TDRD3: variants seen among roughly 807,000 people sequenced by gnomAD.
The protein encoded by TDRD3 is tudor domain containing 3, also known as tudor domain-containing protein 3.
A neutral mutation model predicts 86.7 loss-of-function variants in TDRD3; 45 were observed. The ratio of observed to expected loss-of-function variants is 0.52; its 90% CI spans 0.41 to 0.67. TDRD3 has a LOEUF of 0.67. Among genes scored for constraint, TDRD3 ranks in the 30% least tolerant of loss-of-function variants. The probability of loss-of-function intolerance (pLI) is 0.00; values close to 1 mark genes in which losing one functional copy is unlikely to be tolerated. For missense variants in TDRD3, 814 were observed against 889.0 expected, an observed-to-expected ratio of 0.92 and a Z score of 1.07; for synonymous variants, 298 against 301.7, an observed-to-expected ratio of 0.99 and a Z score of 0.13.
chr13:60,416,009 T>C (rs1954501252), intron 1 of TDRD3, among the ~76,000 whole-genome samples: 1 of 152,210 alleles, frequency 6.6e-6, no homozygotes, highest in Non-Finnish European at 1.5e-5. Context: ...CAGTTAATAA[T>C]GTTTATTAGT....
intron 2 of TDRD3, among the ~76,000 whole-genome samples, chr13:60,443,655 A>G (rs2137976955): frequency 6.6e-6 from 1 of 152,100 alleles, no homozygotes. Flanking sequence ...TTCATTTCAC[A>G]TCACAGTAAT....
intron 12 of TDRD3, among the ~76,000 whole-genome samples, chr13:60,548,769 A>G (rs1957985497): frequency 6.7e-6 from 1 of 148,706 alleles, no homozygotes; most frequent in South Asian, 2.1e-4. Flanking sequence ...ATGCAGTGAT[A>G]TGGGTACTCT....
In TDRD3 at chr13:60,528,754, G is replaced by C. The variant is rs1286186571; in HGVS notation, c.1529G>C (p.Gly510Ala). ...TCTATGCAAAGCAGATCAGGAAAAG[G>C]TCCCTCCTTTGCAGAGGCAAAAGAA... ...DNSMQSRSGK[G>A]PSFAEAKENP... The change falls in exon 11 of 14, where the codon GGT becomes GCT. Residue 510 changes from glycine (G) to alanine (A), a missense_variant. Coordinates refer to ENST00000377881, the MANE Select transcript of TDRD3 (RefSeq NM_001146070.2). 6 of 1,613,154 alleles carry C rather than the reference G, an allele frequency of 3.7e-6. No homozygotes were observed. Among genetic ancestry groups the C allele is most frequent in the Non-Finnish European group, 5.1e-6 (6 of 1,179,804 alleles).
intron 3 of TDRD3, among the ~76,000 whole-genome samples, chr13:60,445,716 C>G (rs936026947): frequency 1.3e-5 from 2 of 152,154 alleles, no homozygotes; most frequent in Non-Finnish European, 2.9e-5. Flanking sequence ...GAAAAGTAGG[C>G]AACAATCTTG....
intron 12 of TDRD3, among the ~76,000 whole-genome samples, chr13:60,553,910 T>A (rs116345323): frequency 0.013 from 2,049 of 152,272 alleles, 49 homozygotes; most frequent in African/African-American, 0.047. Flanking sequence ...AAAATGTAGA[T>A]TTAGTATAAA....
At chr13:60,453,124 C>T (rs1955586245) in intron 3 of TDRD3, among the ~76,000 whole-genome samples, 2 of 151,856 alleles carry the variant, frequency 1.3e-5, no homozygotes, top group East Asian at 1.9e-4. Flanking sequence ...AAAAGTTTAA[C>T]GATGAAGTTA....
intron 1 of TDRD3, among the ~76,000 whole-genome samples, chr13:60,408,498 G>A (rs1421838301): frequency 6.6e-6 from 1 of 152,194 alleles, no homozygotes; most frequent in African/African-American, 2.4e-5. Flanking sequence ...AATGCTGATA[G>A]TGATATGGAC....
intron 12 of TDRD3, among the ~76,000 whole-genome samples, chr13:60,545,142 T>C (rs947911015): frequency 1.3e-5 from 2 of 152,098 alleles, no homozygotes; most frequent in Non-Finnish European, 2.9e-5. Context: ...ATAAGAGAAG[T>C]AGAAGGTATG....
intron 4 of TDRD3, among the ~76,000 whole-genome samples, chr13:60,461,927 A>G (rs1212090826): frequency 1.3e-5 from 2 of 152,174 alleles, no homozygotes; most frequent in Non-Finnish European, 2.9e-5. Flanking sequence ...AGCTTAGGTG[A>G]TTTAGAACAG....
rs139943757 is a variant in TDRD3 at position 60,528,611 on chromosome 13, A to G, written c.1386A>G (p.Val462=). 306 of 1,614,062 alleles carry G rather than the reference A, an allele frequency of 1.9e-4. 1 individual carries two copies. In the African/African-American group the frequency reaches 3.8e-3, roughly 20 times the overall value. The stretch of plus-strand genomic sequence containing the variant: ...CAAGTACTTCTTCAGTATCTGAAGT[A>G]TGGGCTGAAGACAGAATCAAATGTG... ...ERPSTSSVSE[V]WAEDRIKCDR... is the part of the protein sequence containing the mutation. The change falls in exon 11 of 14, where the codon GTA becomes GTG. Residue 462 remains valine (V), a synonymous_variant. Transcript: ENST00000377881.
At chr13:60,494,654 T>C (rs2137562415) in intron 8 of TDRD3, 79 bp downstream of exon 8, 2 of 1,406,778 alleles carry the variant, frequency 1.4e-6, no homozygotes, top group Non-Finnish European at 1.9e-6. Flanking sequence ...CCACCACCAC[T>C]GGCTTTGTGC....
intron 1 of TDRD3, among the ~76,000 whole-genome samples, chr13:60,398,340 A>G (rs970308151): frequency 4.6e-5 from 7 of 152,218 alleles, no homozygotes; most frequent in African/African-American, 1.7e-4. Context: ...AACCGTACGT[A>G]CAGAGGAACA....
intron 1 of TDRD3, among the ~76,000 whole-genome samples, chr13:60,397,704 G>T (rs1199753161): frequency 6.7e-6 from 1 of 150,196 alleles, no homozygotes; most frequent in African/African-American, 2.4e-5. Context: ...GGCGGGTGGC[G>T]GCCCAGACCC....
intron 2 of TDRD3, among the ~76,000 whole-genome samples, chr13:60,444,425 G>A (rs1955351605): frequency 6.6e-6 from 1 of 151,882 alleles, no homozygotes; most frequent in South Asian, 2.1e-4. Flanking sequence ...AGAAGAGTTA[G>A]TAAATAAAAA....
chr13:60,513,082 G>T (rs1466570414), intron 10 of TDRD3, among the ~76,000 whole-genome samples: 4 of 152,234 alleles, frequency 2.6e-5, no homozygotes, highest in African/African-American at 9.6e-5. Context: ...TGAAATCTGG[G>T]TGGAGGTTCC....
chr13:60,543,020 C>G (rs1008007407), intron 12 of TDRD3, among the ~76,000 whole-genome samples: 3 of 152,138 alleles, frequency 2.0e-5, no homozygotes, highest in Non-Finnish European at 2.9e-5. Flanking sequence ...TATTATAGAG[C>G]TTCCAGCTCC....
At chr13:60,409,125 G>A (rs1347633489) in intron 1 of TDRD3, among the ~76,000 whole-genome samples, 1 of 152,246 alleles carries the variant, frequency 6.6e-6, no homozygotes, top group East Asian at 1.9e-4. Flanking sequence ...GCTTCCATGT[G>A]GTGTTGAGCC....
chr13:60,528,403 A>C lies in TDRD3; in HGVS notation c.1178A>C (p.Gln393Pro). 2 of 1,613,536 alleles carry C rather than the reference A, an allele frequency of 1.2e-6. No individual in the cohort carries two copies. Among genetic ancestry groups the C allele is most frequent in the Non-Finnish European group, 1.7e-6 (2 of 1,179,792 alleles). Residue 393 changes from glutamine (Q) to proline (P), a missense_variant, in exon 11 of 14, where the codon CAA becomes CCA. By Grantham distance (76) the Gln-to-Pro change is moderately conservative. Transcript: ENST00000377881. ...KSQPQQLHQGQYRSSNTEQNG... is the reference protein window; with the variant it reads ...KSQPQQLHQGPYRSSNTEQNG... ...CAGCCACAGCAGCTTCATCAGGGAC[A>C]ATACAGATCATCAAATACTGAGCAA...
At chr13:60,468,600 G>T (rs1956001457) in intron 5 of TDRD3, among the ~76,000 whole-genome samples, 1 of 151,760 alleles carries the variant, frequency 6.6e-6, no homozygotes, top group Admixed American at 6.6e-5. Flanking sequence ...TACTGTGCTG[G>T]GATCTTGCAT....
Sources: allele counts gnomAD v4.1 joint callset (sites outside exome capture counted in the v4.1 genomes callset), GRCh38; gene constraint gnomAD v4.1.1; transcripts MANE v1.5; gene names NCBI Gene and HGNC (gene_info 2026-07-23, HGNC 2026-07-21).